Variants in BLM observed in about 807,000 individuals in gnomAD.
The protein encoded by BLM is BLM RecQ like helicase, also known as recQ-like DNA helicase BLM.
BLM carries 95 observed loss-of-function variants against 135.3 expected under a neutral mutation model. That is an observed-to-expected ratio of 0.70 (90% confidence interval 0.59 to 0.83). The LOEUF is 0.83. Ranked by LOEUF, BLM falls within the 40% of genes least tolerant of loss-of-function variation. The pLI, the probability that BLM is intolerant of heterozygous loss-of-function variation, is 0.00. For synonymous variants in BLM, 520 were observed against 589.2 expected, an observed-to-expected ratio of 0.88 and a Z score of 1.70; for missense variants, 1,518 against 1,663.9, an observed-to-expected ratio of 0.91 and a Z score of 1.53.
chr15:90,805,622 A>G (rs1897270527), intron 19 of BLM, among the ~76,000 whole-genome samples: 1 of 151,146 alleles, frequency 6.6e-6, no homozygotes, highest in Non-Finnish European at 1.5e-5. Context: ...ACCCGTCTCT[A>G]CTAAAAATAC....
intron 19 of BLM, among the ~76,000 whole-genome samples, chr15:90,806,340 G>A (rs949996870): frequency 3.3e-5 from 5 of 152,074 alleles, no homozygotes; most frequent in African/African-American, 7.2e-5. Flanking sequence ...GTAAAACCCC[G>A]TCTCTACTAA....
intron 12 of BLM, among the ~76,000 whole-genome samples, chr15:90,773,537 G>C (rs1333875089): frequency 1.8e-5 from 1 of 55,398 alleles, no homozygotes; most frequent in South Asian, 6.2e-4. Context: ...TTTTTTTTTA[G>C]TTTATAAGGT....
intron 3 of BLM, among the ~76,000 whole-genome samples, chr15:90,750,940 A>T (rs558957277): frequency 2.1e-4 from 32 of 152,364 alleles, no homozygotes; most frequent in African/African-American, 7.5e-4. Flanking sequence ...CGTAAGATCC[A>T]TAGAGGTTAA....
Position 90,804,346 on chromosome 15 carries a change from C to T in BLM, c.3738C>T (p.Leu1246=), listed in dbSNP as rs1192075146. The part of the protein sequence containing the change: ...HYFNIFNTVT[L]KKLAESLSSD... The stretch of plus-strand genomic sequence containing the variant: ...TCAATATTTTTAATACCGTCACTCT[C>T]AAGAAGCTTGCAGGTGGGTACACAT... The change falls in exon 19 of 22, where the codon CTC becomes CTT. Residue 1246 remains leucine, a synonymous_variant. Coordinates refer to ENST00000355112, the MANE Select transcript of BLM (RefSeq NM_000057.4). 1 of 1,613,964 alleles carries T rather than the reference C, an allele frequency of 6.2e-7. No homozygotes were observed. The highest frequency in any genetic ancestry group is 2.2e-5 in the East Asian group (1 of 44,888).
chr15:90,741,271 A>G (rs1214920798), intron 1 of BLM, among the ~76,000 whole-genome samples: 1 of 152,206 alleles, frequency 6.6e-6, no homozygotes, highest in African/African-American at 2.4e-5. Context: ...CTATCAGCAC[A>G]TCGAAGATAT....
intron 1 of BLM, among the ~76,000 whole-genome samples, chr15:90,717,885 C>T (rs768982979): frequency 6.6e-6 from 1 of 152,248 alleles, no homozygotes; most frequent in East Asian, 1.9e-4. Flanking sequence ...TGAGTGTCTA[C>T]TGTGTGCCAT....
chr15:90,738,188 C>T (rs1221420732), intron 1 of BLM, among the ~76,000 whole-genome samples: 1 of 152,034 alleles, frequency 6.6e-6, no homozygotes, highest in Non-Finnish European at 1.5e-5. Flanking sequence ...AAGAAAAGCT[C>T]AGGGCCAGAT....
chr15:90,767,093 A>T (rs1268091155), intron 10 of BLM, 70 bp downstream of exon 10: 1 of 1,086,334 alleles, frequency 9.2e-7, no homozygotes, highest in Non-Finnish European at 1.3e-6. Flanking sequence ...TAAGATTTTA[A>T]CAAAATTTTG....
chr15:90,760,160 T>C lies in BLM; in HGVS notation c.1101T>C (p.Ser367=). ...ATTATTTTATAGCTAGACAGATAAG[T>C]TTACAGCAGCAGCTTATTCATGTGA... is the stretch of plus-strand genomic sequence containing the variant. ...TSTDCDARQI[S]LQQQLIHVME... Residue 367 remains serine, a synonymous_variant, in exon 6 of 22, where the codon AGT becomes AGC. Coordinates refer to ENST00000355112, the MANE Select transcript of BLM (RefSeq NM_000057.4). 1 of 1,611,270 alleles carries C rather than the reference T, an allele frequency of 6.2e-7. No individual in the cohort carries two copies. The highest frequency in any genetic ancestry group is 8.5e-7 in the Non-Finnish European group (1 of 1,177,514).
At chr15:90,804,971 G>A (rs1185206788) in intron 19 of BLM, among the ~76,000 whole-genome samples, 1 of 152,042 alleles carries the variant, frequency 6.6e-6, no homozygotes, top group Non-Finnish European at 1.5e-5. Context: ...CAAGTAGCTG[G>A]GATTACAGGC....
chr15:90,759,913 TAAAAAAAAAAA>T, intron 5 of BLM: 2 of 285,000 alleles, frequency 7.0e-6, no homozygotes, highest in Non-Finnish European at 1.3e-5. Context: ...AGCCCCACTT[TAAAAAAAAAAA>T]AAAAAAAGAA....
intron 12 of BLM, among the ~76,000 whole-genome samples, chr15:90,777,916 A>G (rs1692818039): frequency 6.6e-6 from 1 of 152,220 alleles, no homozygotes; most frequent in Non-Finnish European, 1.5e-5. Context: ...ATGTTGTAGC[A>G]TTGGTCAGTA....
intron 2 of BLM, chr15:90,747,795 G>T: frequency 6.1e-6 from 2 of 328,064 alleles, no homozygotes; most frequent in Non-Finnish European, 1.2e-5. Flanking sequence ...GGGTTTTTTT[G>T]TTTGTTTTGT....
chr15:90,758,179 C>T (rs1467355329), intron 5 of BLM, among the ~76,000 whole-genome samples: 4 of 151,786 alleles, frequency 2.6e-5, no homozygotes, highest in African/African-American at 7.2e-5. Context: ...CATACCCAGG[C>T]GCAGCTGAGG....
At chr15:90,759,429 A>G (rs1191253293) in intron 5 of BLM, among the ~76,000 whole-genome samples, 1 of 150,654 alleles carries the variant, frequency 6.6e-6, no homozygotes, top group African/African-American at 2.4e-5. Flanking sequence ...AAAAAAAAAG[A>G]AGAAGATGTG....
chr15:90,813,830 G>C (rs541395559), intron 21 of BLM, among the ~76,000 whole-genome samples: 32 of 152,272 alleles, frequency 2.1e-4, no homozygotes, highest in African/African-American at 7.2e-4. Context: ...CCTGTGCAGT[G>C]AAAGAATAAA....
intron 5 of BLM, 157 bp from the exon 6 acceptor site, chr15:90,759,990 G>C: frequency 1.8e-6 from 1 of 559,782 alleles, no homozygotes. Context: ...GGGTCTCACT[G>C]TGTTGCCCAG....
chr15:90,808,203 C>T (rs1897324390), intron 19 of BLM, among the ~76,000 whole-genome samples: 3 of 152,200 alleles, frequency 2.0e-5, no homozygotes, highest in Non-Finnish European at 4.4e-5. Context: ...GCCTCTCCTA[C>T]TTTATCTTTC....
intron 1 of BLM, among the ~76,000 whole-genome samples, chr15:90,737,303 G>A (rs962652901): frequency 3.3e-5 from 5 of 151,996 alleles, no homozygotes; most frequent in Non-Finnish European, 7.4e-5. Flanking sequence ...ATAGATCAAT[G>A]GATGTATAGC....
Sources: allele counts gnomAD v4.1 joint callset (sites outside exome capture counted in the v4.1 genomes callset), GRCh38; gene constraint gnomAD v4.1.1; transcripts MANE v1.5; gene names NCBI Gene and HGNC (gene_info 2026-07-23, HGNC 2026-07-21).